The following VPS26A variants were observed in gnomAD, a reference collection of about 807,000 sequenced individuals.
The protein encoded by VPS26A is VPS26 retromer complex component A.
A neutral mutation model predicts 42.4 loss-of-function variants in VPS26A; 22 were observed. The observed-to-expected ratio is 0.52, with a 90% confidence interval of 0.37 to 0.74. VPS26A has a LOEUF of 0.74. Among genes scored for constraint, VPS26A ranks in the 30% least tolerant of loss-of-function variants. VPS26A has a pLI of 0.00. For synonymous variants in VPS26A, 110 were observed against 123.5 expected (o/e 0.89, Z 0.73); for missense variants, 276 against 379.2 (o/e 0.73, Z 2.26).
At chr10:69,132,429 T>C (rs889809473) in intron 1 of VPS26A, among the ~76,000 whole-genome samples, 1 of 67,440 alleles carries the variant, frequency 1.5e-5, no homozygotes, top group Non-Finnish European at 5.0e-5. Flanking sequence ...AGTTTTGATG[T>C]AGTTTTTTTT....
At chr10:69,127,632 C>G (rs1366130423) in intron 1 of VPS26A, among the ~76,000 whole-genome samples, 1 of 151,014 alleles carries the variant, frequency 6.6e-6, no homozygotes, top group South Asian at 2.1e-4. Flanking sequence ...ATTTATTACT[C>G]AACCTATTAC....
chr10:69,166,648 G>A (rs1231625956), intron 7 of VPS26A, among the ~76,000 whole-genome samples: 1 of 152,046 alleles, frequency 6.6e-6, no homozygotes, highest in African/African-American at 2.4e-5. Context: ...TGTAGATGAG[G>A]CAATGTAATC....
At chr10:69,129,662 C>T (rs1413316915) in intron 1 of VPS26A, among the ~76,000 whole-genome samples, 1 of 151,878 alleles carries the variant, frequency 6.6e-6, no homozygotes, top group Non-Finnish European at 1.5e-5. Flanking sequence ...ATTCTCCTGC[C>T]TCAGGTGCAT....
At chr10:69,138,190 TA>T (rs1240689099) in intron 2 of VPS26A, among the ~76,000 whole-genome samples, 1 of 152,228 alleles carries the variant, frequency 6.6e-6, no homozygotes, top group Non-Finnish European at 1.5e-5. Context: ...TAGCATTTGT[TA>T]TTAGTATATC....
Position 69,135,079 on chromosome 10 carries a change from T to C in VPS26A, c.153+2032T>C, listed in dbSNP as rs191893958. 7.1e-3 allele frequency among the ~76,000 whole-genome samples: 1,088 copies of C among 152,334 alleles called. 8 individuals carry two copies. The highest frequency in any genetic ancestry group is 0.011 in the Non-Finnish European group (758 of 68,024). On this transcript the variant is annotated intron_variant, in intron 2 of 8. Coordinates refer to ENST00000263559, the MANE Select transcript of VPS26A (RefSeq NM_004896.5). Reference sequence around the variant, plus strand: ...GGCTGGGGGCATAGGAATACCAATCTAGCTTTCTTTCTAGGGAGAGACTGA... The same window carrying C: ...GGCTGGGGGCATAGGAATACCAATCCAGCTTTCTTTCTAGGGAGAGACTGA...
intron 6 of VPS26A, among the ~76,000 whole-genome samples, chr10:69,165,647 A>C (rs1004991782): frequency 7.9e-5 from 12 of 152,050 alleles, no homozygotes; most frequent in Non-Finnish European, 1.3e-4. Context: ...TCTCTATCCC[A>C]AAAAATACAA....
At chr10:69,153,136 G>GC (rs998768386) in intron 2 of VPS26A, among the ~76,000 whole-genome samples, 62 of 144,818 alleles carry the variant, frequency 4.3e-4, no homozygotes, top group African/African-American at 1.4e-3. Flanking sequence ...TGCAACCTCC[G>GC]CCCCCCGGGT....
chr10:69,171,006 C>G, intron 8 of VPS26A, 150 bp from the exon 9 acceptor site: 1 of 634,440 alleles, frequency 1.6e-6, no homozygotes, highest in Non-Finnish European at 2.7e-6. Flanking sequence ...AAGATTAGAG[C>G]TGGAAGAAAG....
chr10:69,159,972 T>A (rs2132229882), intron 5 of VPS26A, among the ~76,000 whole-genome samples: 1 of 152,274 alleles, frequency 6.6e-6, no homozygotes, highest in South Asian at 2.1e-4. Flanking sequence ...CAGTCTTTTG[T>A]TACATTATTT....
At chr10:69,161,636 T>G in intron 5 of VPS26A, 1 of 293,698 alleles carries the variant, frequency 3.4e-6, no homozygotes, top group Non-Finnish European at 6.9e-6. Context: ...GTTTCCCCCA[T>G]CTGTCAGTTT....
intron 8 of VPS26A, chr10:69,170,493 C>T (rs1436263419): frequency 6.6e-6 from 1 of 151,700 alleles, no homozygotes; most frequent in Non-Finnish European, 1.5e-5. Flanking sequence ...GAGGGAAGTT[C>T]TCAGGATGGA....
chr10:69,165,738 A>C (rs1841671268), intron 6 of VPS26A, among the ~76,000 whole-genome samples: 1 of 152,144 alleles, frequency 6.6e-6, no homozygotes, highest in African/African-American at 2.4e-5. Flanking sequence ...TGAGTTCAGG[A>C]GTTTGAGACC....
chr10:69,159,688 C>T (rs915742613), intron 5 of VPS26A, among the ~76,000 whole-genome samples: 2 of 152,130 alleles, frequency 1.3e-5, no homozygotes, highest in Non-Finnish European at 2.9e-5. Flanking sequence ...ATATATCATT[C>T]TAAATATAAC....
chr10:69,127,445 C>T (rs534865834), intron 1 of VPS26A, among the ~76,000 whole-genome samples: 2 of 151,082 alleles, frequency 1.3e-5, no homozygotes, highest in African/African-American at 2.4e-5. Flanking sequence ...CCCAGCTACT[C>T]GGGAGGCTGA....
At chr10:69,132,768 T>C in intron 1 of VPS26A, 130 bp from the exon 2 acceptor site, 2 of 975,580 alleles carry the variant, frequency 2.1e-6, no homozygotes, top group Non-Finnish European at 2.9e-6. Context: ...GATATATGTT[T>C]TTATCATTTC....
At chr10:69,134,892 A>C (rs559025902) in intron 2 of VPS26A, among the ~76,000 whole-genome samples, 1 of 152,248 alleles carries the variant, frequency 6.6e-6, no homozygotes, top group East Asian at 1.9e-4. Context: ...CAGGAATTCA[A>C]GACCAGCTTG....
intron 2 of VPS26A, among the ~76,000 whole-genome samples, chr10:69,145,366 C>G (rs549118751): frequency 6.6e-6 from 1 of 152,170 alleles, no homozygotes; most frequent in South Asian, 2.1e-4. Flanking sequence ...ACATTTAGAT[C>G]CTTGTTTTGC....
At chr10:69,127,179 C>G (rs1467957906) in intron 1 of VPS26A, among the ~76,000 whole-genome samples, 3 of 145,176 alleles carry the variant, frequency 2.1e-5, no homozygotes, top group Non-Finnish European at 4.5e-5. Context: ...CTCCTGACCT[C>G]AAGTGATCCG....
chr10:69,156,975 A>G, intron 3 of VPS26A, 32 bp from the exon 4 acceptor site: 1 of 1,550,860 alleles, frequency 6.4e-7, no homozygotes, highest in Non-Finnish European at 8.7e-7. Flanking sequence ...GCTATTAAAT[A>G]ATTGGTCTTT....
Sources: gnomAD v4.1 joint callset for allele counts (sites outside exome capture counted in the v4.1 genomes callset) on GRCh38, gnomAD v4.1.1 for gene constraint, MANE v1.5 for transcripts, NCBI Gene and HGNC (gene_info 2026-07-23, HGNC 2026-07-21) for gene names.